Variants in PHACTR3 observed in about 807,000 individuals in gnomAD.
PHACTR3 encodes the protein phosphatase and actin regulator 3.
PHACTR3 carries 16 observed loss-of-function variants against 66.8 expected under a neutral mutation model. The ratio of observed to expected loss-of-function variants is 0.24; its 90% confidence interval spans 0.16 to 0.36. The LOEUF (loss-of-function observed/expected upper bound fraction) is 0.36. Among genes scored for constraint, PHACTR3 ranks in the 10% least tolerant of loss-of-function variants. The pLI, the probability that PHACTR3 is intolerant of heterozygous loss-of-function variation, is 1.00. For missense variants in PHACTR3, 647 were observed against 719.9 expected (o/e 0.90, Z 1.16); for synonymous variants, 323 against 292.1 (o/e 1.11, Z -1.08).
intron 8 of PHACTR3, among the ~76,000 whole-genome samples, chr20:59,817,422 C>T (rs1190940789): frequency 6.6e-6 from 1 of 152,256 alleles, no homozygotes; most frequent in Non-Finnish European, 1.5e-5. Flanking sequence ...GGAAGGAAGT[C>T]TCTGGTGGAA....
intron 1 of PHACTR3, among the ~76,000 whole-genome samples, chr20:59,657,754 C>A (rs1357828342): frequency 1.3e-5 from 2 of 152,018 alleles, no homozygotes; most frequent in African/African-American, 4.8e-5. Flanking sequence ...TGTTTCTCAA[C>A]ATTTTGATTT....
At chr20:59,750,974 C>T (rs2039557103) in intron 3 of PHACTR3, among the ~76,000 whole-genome samples, 1 of 152,190 alleles carries the variant, frequency 6.6e-6, no homozygotes, top group African/African-American at 2.4e-5. Context: ...GAGGTCAGAC[C>T]CTGTCTGTCC....
At chr20:59,745,658 A>G (rs1004305018) in intron 2 of PHACTR3, among the ~76,000 whole-genome samples, 5 of 152,200 alleles carry the variant, frequency 3.3e-5, no homozygotes, top group African/African-American at 1.2e-4. Flanking sequence ...TGAAAGAGAA[A>G]TATGTAGCAA....
intron 1 of PHACTR3, among the ~76,000 whole-genome samples, chr20:59,631,598 A>G (rs1364334773): frequency 6.6e-6 from 1 of 152,188 alleles, no homozygotes; most frequent in African/African-American, 2.4e-5. Context: ...AAAAACAACA[A>G]TGAAGAAAAA....
At chr20:59,841,185 A>G (rs955432109) in intron 10 of PHACTR3, among the ~76,000 whole-genome samples, 1 of 152,170 alleles carries the variant, frequency 6.6e-6, no homozygotes, top group Non-Finnish European at 1.5e-5. Flanking sequence ...TTCTGATAAA[A>G]TATGTTGGAG....
chr20:59,648,695 C>T (rs944670663), intron 1 of PHACTR3, among the ~76,000 whole-genome samples: 1 of 152,184 alleles, frequency 6.6e-6, no homozygotes, highest in East Asian at 1.9e-4. Flanking sequence ...TTCCTCTGCT[C>T]AGCAACATCC....
intron 5 of PHACTR3, among the ~76,000 whole-genome samples, chr20:59,772,872 G>A (rs576481685): frequency 6.6e-6 from 1 of 152,322 alleles, no homozygotes; most frequent in African/African-American, 2.4e-5. Flanking sequence ...ATGCTGTGGG[G>A]AGGGCAGAGC....
chr20:59,623,114 T>C (rs537592134), intron 1 of PHACTR3, among the ~76,000 whole-genome samples: 2 of 151,778 alleles, frequency 1.3e-5, no homozygotes, highest in East Asian at 3.9e-4. Context: ...AAATGTTTTT[T>C]TGTGGGAGGC....
At chr20:59,765,102 A>T (rs1048610960) in intron 4 of PHACTR3, among the ~76,000 whole-genome samples, 1 of 152,208 alleles carries the variant, frequency 6.6e-6, no homozygotes, top group African/African-American at 2.4e-5. Context: ...TAACAAGGAC[A>T]CCTCACAACT....
Position 59,774,600 on chromosome 20 carries a change from C to T in PHACTR3, c.1174+110C>T. The T allele has an allele frequency of 3.5e-6, 5 of 1,412,316 alleles. 1 individual carries two copies. The highest frequency in any genetic ancestry group is 4.7e-6 in the Non-Finnish European group (5 of 1,057,324). The allele number at this position is 1,412,316 out of a possible 1,614,324, so 87.5% of individuals were successfully genotyped here. A position where few individuals can be genotyped will look rare whatever the true frequency, so the allele number is the denominator to read the frequency against. On this transcript the variant is annotated intron_variant, in intron 7 of 12. Transcript: ENST00000371015. ...GGGGGAGGAACAGGTCGAGGGGCTGCACCTGGGGAGAAACAAGAGGGGGGC... is the reference window on the plus strand; with the variant it reads ...GGGGGAGGAACAGGTCGAGGGGCTGTACCTGGGGAGAAACAAGAGGGGGGC...
chr20:59,737,604 A>G (rs996776932), intron 1 of PHACTR3, among the ~76,000 whole-genome samples: 2 of 151,908 alleles, frequency 1.3e-5, no homozygotes, highest in African/African-American at 4.8e-5. Flanking sequence ...ACCAGCTGAT[A>G]CCTGTGATGA....
At chr20:59,607,002 G>C (rs909833896) in intron 1 of PHACTR3, among the ~76,000 whole-genome samples, 2 of 152,148 alleles carry the variant, frequency 1.3e-5, no homozygotes, top group Non-Finnish European at 2.9e-5. Context: ...TTTCTGTTCT[G>C]GCAGAAAGAG....
chr20:59,757,883 T>A (rs1418657517), intron 4 of PHACTR3, among the ~76,000 whole-genome samples: 1 of 152,166 alleles, frequency 6.6e-6, no homozygotes, highest in African/African-American at 2.4e-5. Flanking sequence ...GGCGGGAGGA[T>A]AGCCTGAGCC....
chr20:59,776,714 C>T (rs933118630), intron 7 of PHACTR3, among the ~76,000 whole-genome samples: 2 of 147,464 alleles, frequency 1.4e-5, no homozygotes, highest in East Asian at 2.0e-4. Flanking sequence ...AGCCTCAGGC[C>T]TGGCCCGGAT....
chr20:59,711,953 T>A (rs923990000), intron 1 of PHACTR3, among the ~76,000 whole-genome samples: 1 of 152,216 alleles, frequency 6.6e-6, no homozygotes, highest in Non-Finnish European at 1.5e-5. Context: ...TGCTTCTTGT[T>A]CATTTTAAAG....
At chr20:59,681,409 C>G (rs951273906) in intron 1 of PHACTR3, among the ~76,000 whole-genome samples, 1 of 151,862 alleles carries the variant, frequency 6.6e-6, no homozygotes, top group African/African-American at 2.4e-5. Flanking sequence ...ATTTGTAAAA[C>G]ATTTTGATGA....
In PHACTR3 at chr20:59,714,483, A is replaced by T. The variant is rs139992048; in HGVS notation, c.119-28624A>T. Reference sequence around the variant, plus strand: ...TGCACAGCTGTGTTCTTTTCTCATAAATCAGTCAGTACACTGCGTGGGTCT... The same window carrying T: ...TGCACAGCTGTGTTCTTTTCTCATATATCAGTCAGTACACTGCGTGGGTCT... On this transcript the variant is annotated intron_variant, in intron 1 of 12. Transcript: ENST00000371015. 1.1e-4 allele frequency among the ~76,000 whole-genome samples: 17 copies of T among 152,232 alleles called. No homozygotes were observed. In the East Asian group the frequency reaches 2.7e-3, roughly 24 times the overall value.
chr20:59,674,010 C>T (rs1430517608), intron 1 of PHACTR3, among the ~76,000 whole-genome samples: 1 of 152,168 alleles, frequency 6.6e-6, no homozygotes, highest in East Asian at 1.9e-4. Context: ...GTCTCCAGAC[C>T]TGCCTGCCCG....
chr20:59,779,358 T>G (rs1459732427), intron 7 of PHACTR3, among the ~76,000 whole-genome samples: 3 of 152,226 alleles, frequency 2.0e-5, no homozygotes, highest in South Asian at 2.1e-4. Flanking sequence ...TGTTGCTTTT[T>G]GGGGGGAAAA....
Sources: allele counts gnomAD v4.1 joint callset (sites outside exome capture counted in the v4.1 genomes callset), GRCh38; gene constraint gnomAD v4.1.1; transcripts MANE v1.5; gene names NCBI Gene and HGNC (gene_info 2026-07-23, HGNC 2026-07-21).